FAM53A: variants seen among roughly 807,000 people sequenced by gnomAD.
FAM53A encodes family with sequence similarity 53 member A.
In FAM53A, 28 loss-of-function variants were observed where a neutral mutation model predicts 26.6. The observed-to-expected ratio is 1.05, with a 90% CI of 0.78 to 1.45. The LOEUF (loss-of-function observed/expected upper bound fraction) is 1.45, where lower values mean the gene tolerates loss of function less well. Among genes scored for constraint, FAM53A ranks in the 40% most tolerant of loss-of-function variants. FAM53A has a pLI of 0.00. For synonymous variants in FAM53A, 290 were observed against 253.1 expected (o/e 1.15, Z -1.38); for missense variants, 650 against 575.8 (o/e 1.13, Z -1.32).
rs574102929 is a variant in FAM53A at position 1,621,101 on chromosome 4, C to CTTTTTTTTTTTTTTTT, written c.432-3006_432-2991dup. ...TTTCCTAGCTGAGTCAGCTACGCTA[C>CTTTTTTTTTTTTTTTT]TTTTTTTTTTTTTTTTTTTTTGAGA... On this transcript the variant is annotated intron_variant, in intron 1 of 1. Coordinates refer to the FAM53A transcript ENST00000489029. 3.4e-4 allele frequency among the ~76,000 whole-genome samples: 32 copies of CTTTTTTTTTTTTTTTT among 95,512 alleles called. 3 individuals are homozygous for CTTTTTTTTTTTTTTTT. The highest frequency in any genetic ancestry group is 9.5e-4 in the East Asian group (3 of 3,156). The allele number at this position is 95,512 out of a possible 152,430, so 62.7% of individuals were successfully genotyped here.
the FAM53A span, among the ~76,000 whole-genome samples, chr4:1,598,960 A>G: frequency 6.6e-6 from 1 of 152,262 alleles, no homozygotes; most frequent in African/African-American, 2.4e-5. Context: ...CCCATCAGTT[A>G]TCTTTCTCTC....
At chr4:1,629,104 C>T (rs999866290) in intron 1 of FAM53A, among the ~76,000 whole-genome samples, 1 of 152,010 alleles carries the variant, frequency 6.6e-6, no homozygotes, top group Non-Finnish European at 1.5e-5. Flanking sequence ...CCTCGATCCC[C>T]TCCAGGCGGA....
rs569964133 is a variant in FAM53A at position 1,647,507 on chromosome 4, CG to C, written c.883-5901del. Among the ~76,000 whole-genome samples the C allele has an allele frequency of 2.2e-3, 341 of 152,052 alleles. 2 individuals are homozygous for C. The highest frequency in any genetic ancestry group is 8.1e-3 in the African/African-American group (334 of 41,466). On this transcript the variant is annotated intron_variant, in intron 4 of 4. Transcript: ENST00000308132. The stretch of plus-strand genomic sequence containing the variant: ...ACTCAGAGCAGACAGCAGGGGGTGG[CG>C]GGGGGTTGAGGATGATCGCCGAACG...
At chr4:1,647,246 A>C (rs543843050) in intron 4 of FAM53A, among the ~76,000 whole-genome samples, 1 of 152,100 alleles carries the variant, frequency 6.6e-6, no homozygotes, top group Admixed American at 6.5e-5. Flanking sequence ...TGAGGCAGAG[A>C]ATCGCTTGAA....
chr4:1,601,293 C>T, the FAM53A span, among the ~76,000 whole-genome samples: 13 of 48,832 alleles, frequency 2.7e-4, 3 homozygotes, highest in Non-Finnish European at 5.7e-4. Context: ...CACTGCTTTC[C>T]GGGGGCCCCC....
the FAM53A span, among the ~76,000 whole-genome samples, chr4:1,577,024 T>A: frequency 2.1e-5 from 3 of 142,754 alleles, no homozygotes; most frequent in South Asian, 7.4e-4. Context: ...TCCAGCCCTC[T>A]GTGCATCTGG....
downstream of FAM53A, among the ~76,000 whole-genome samples, chr4:1,634,912 A>T (rs971526432): frequency 6.6e-6 from 1 of 152,064 alleles, no homozygotes; most frequent in Non-Finnish European, 1.5e-5. Flanking sequence ...AAAAAAAAAA[A>T]ATAAAAAAAT....
intron 2 of FAM53A, among the ~76,000 whole-genome samples, chr4:1,667,523 T>C (rs1214075256): frequency 2.0e-5 from 3 of 151,968 alleles, no homozygotes; most frequent in African/African-American, 7.3e-5. Flanking sequence ...AAGCAGTGCT[T>C]GCGAAGGTTC....
chr4:1,611,179 T>TC, the FAM53A span, among the ~76,000 whole-genome samples: 1 of 152,282 alleles, frequency 6.6e-6, no homozygotes, highest in East Asian at 1.9e-4. Flanking sequence ...GTGGGCGGTG[T>TC]CCCTCATTTG....
intron 1 of FAM53A, among the ~76,000 whole-genome samples, chr4:1,625,983 A>T (rs1385598738): frequency 6.6e-6 from 1 of 152,120 alleles, no homozygotes; most frequent in Non-Finnish European, 1.5e-5. Flanking sequence ...AGAATCCTCC[A>T]CAGGATCCTC....
At chr4:1,644,637 T>C (rs7676189) in intron 4 of FAM53A, 113,036 of 377,202 alleles carry the variant, frequency 0.3, 18,312 homozygotes, top group Middle Eastern at 0.44. Flanking sequence ...GGATGGTCAC[T>C]TCCATCTGAG....
chr4:1,635,691 TAA>T (rs1474318141), downstream of FAM53A, among the ~76,000 whole-genome samples: 1 of 152,224 alleles, frequency 6.6e-6, no homozygotes, highest in Non-Finnish European at 1.5e-5. Flanking sequence ...CCAACGGTTC[TAA>T]GTCTTTTCTC....
the FAM53A span, among the ~76,000 whole-genome samples, chr4:1,596,839 T>G: frequency 3.4e-5 from 5 of 148,232 alleles, no homozygotes; most frequent in East Asian, 2.0e-4. Context: ...GAGACAGAGA[T>G]GGGGAAGAGA....
downstream of FAM53A, among the ~76,000 whole-genome samples, chr4:1,613,816 A>T (rs1269605035): frequency 1.3e-5 from 2 of 152,152 alleles, no homozygotes; most frequent in Admixed American, 6.5e-5. Context: ...TTCAATAGTT[A>T]TTTTTTTACA....
the FAM53A span, among the ~76,000 whole-genome samples, chr4:1,579,426 C>T: frequency 4.6e-5 from 7 of 151,902 alleles, no homozygotes; most frequent in Admixed American, 1.3e-4. Flanking sequence ...GCGCCTGCGC[C>T]ACCCCCCCGC....
the FAM53A span, among the ~76,000 whole-genome samples, chr4:1,604,440 G>A: frequency 5.5e-3 from 839 of 152,236 alleles, 10 homozygotes; most frequent in African/African-American, 0.019. Flanking sequence ...GTCCCGTACC[G>A]TGGGCAGGAG....
intron 4 of FAM53A, chr4:1,644,706 G>A: frequency 5.0e-6 from 1 of 201,258 alleles, no homozygotes; most frequent in Non-Finnish European, 1.0e-5. Flanking sequence ...TCCAAATTGG[G>A]CTCCAAAGCG....
chr4:1,626,739 G>A (rs80243758), intron 1 of FAM53A, among the ~76,000 whole-genome samples: 2 of 151,954 alleles, frequency 1.3e-5, no homozygotes, highest in African/African-American at 4.8e-5. Flanking sequence ...GGGGGACCCA[G>A]GACAGTGTAG....
the FAM53A span, among the ~76,000 whole-genome samples, chr4:1,586,865 T>C: frequency 6.6e-6 from 1 of 152,020 alleles, no homozygotes; most frequent in Non-Finnish European, 1.5e-5. Flanking sequence ...ACCTCTGTAC[T>C]CTTTTCCACT....
Sources: gnomAD v4.1 joint callset for allele counts (sites outside exome capture counted in the v4.1 genomes callset) on GRCh38, gnomAD v4.1.1 for gene constraint, MANE v1.5 for transcripts, NCBI Gene and HGNC (gene_info 2026-07-23, HGNC 2026-07-21) for gene names.